The following MCM9 variants were observed in gnomAD, a reference collection of about 807,000 sequenced individuals.
MCM9 encodes minichromosome maintenance 9 homologous recombination repair factor.
Under a neutral mutation model 72.8 loss-of-function variants are expected in MCM9, and 55 were observed. The observed-to-expected ratio is 0.76, with a 90% CI of 0.61 to 0.95. MCM9 has a LOEUF of 0.95. Ranked by LOEUF, MCM9 falls within the 40% of genes least tolerant of loss-of-function variation. The pLI is 0.00. For missense variants in MCM9, 1,279 were observed against 1,377.0 expected (o/e 0.93, Z 1.13); for synonymous variants, 480 against 503.4 (o/e 0.95, Z 0.62).
At chr6:118,836,797 C>T (rs943683620) in intron 9 of MCM9, among the ~76,000 whole-genome samples, 44 of 152,242 alleles carry the variant, frequency 2.9e-4, no homozygotes, top group African/African-American at 4.6e-4. Context: ...ATGAGCTCCT[C>T]GATTCACTGA....
intron 9 of MCM9, among the ~76,000 whole-genome samples, chr6:118,840,830 TG>T (rs963094770): frequency 1.4e-5 from 2 of 142,254 alleles, no homozygotes; most frequent in Non-Finnish European, 3.1e-5. Flanking sequence ...TTCCACCTCC[TG>T]GGCTCAAGCA....
At chr6:118,846,014 A>T (rs1356959623) in intron 9 of MCM9, among the ~76,000 whole-genome samples, 3 of 151,934 alleles carry the variant, frequency 2.0e-5, no homozygotes, top group Non-Finnish European at 4.4e-5. Context: ...TTCTCCAATT[A>T]CTTTTCCTAT....
Position 118,827,952 on chromosome 6 carries a change from CA to C in MCM9, c.1706del (p.Leu569TrpfsTer4). On this transcript the variant is annotated frameshift_variant, in exon 11 of 14. Coordinates refer to ENST00000619706, the MANE Select transcript of MCM9 (RefSeq NM_017696.3). LOFTEE classifies it high-confidence loss of function. ...RNAARTTIRL[L>X]ESLIRLAEAH... Reference sequence around the variant, plus strand: ...CTTCTGCTAATCGTATCAAGCTTTCCAACAGCCGAATGGTGGTCCGGGCAGC... The same window carrying C: ...CTTCTGCTAATCGTATCAAGCTTTCCACAGCCGAATGGTGGTCCGGGCAGC... 6.4e-7 allele frequency: 1 copy of C among 1,550,992 alleles called. No homozygotes were observed.
intron 5 of MCM9, 173 bp from the exon 6 acceptor site, chr6:118,917,934 G>A (rs995169018): frequency 8.3e-6 from 5 of 601,508 alleles, no homozygotes; most frequent in South Asian, 2.0e-5. Context: ...ATTCTTGACT[G>A]TTGTCCCCCA....
intron 9 of MCM9, among the ~76,000 whole-genome samples, chr6:118,838,109 T>C (rs897822606): frequency 6.6e-6 from 1 of 152,146 alleles, no homozygotes; most frequent in South Asian, 2.1e-4. Flanking sequence ...TATTTCTCCT[T>C]AGGTTATGAA....
chr6:118,910,943 G>C (rs1183892393), intron 8 of MCM9: 1 of 985,174 alleles, frequency 1.0e-6, no homozygotes, highest in Non-Finnish European at 1.2e-6. Flanking sequence ...TTAACAAGTA[G>C]CAAACATTTT....
In MCM9 at chr6:118,815,263, G is replaced by C; in HGVS notation, c.2993C>G (p.Pro998Arg). 2 of 1,550,640 alleles carry C rather than the reference G, an allele frequency of 1.3e-6. No individual in the cohort carries two copies. The highest frequency in any genetic ancestry group is 1.7e-6 in the Non-Finnish European group (2 of 1,146,964). Residue 998 changes from proline (P) to arginine (R), a missense_variant, in exon 14 of 14, where the codon CCA becomes CGA. Physicochemically the swap from Pro to Arg is moderately radical, Grantham distance 103 (BLOSUM62 -2). Coordinates refer to ENST00000619706, the MANE Select transcript of MCM9 (RefSeq NM_017696.3). ...GETKEVSQQP[P>R]EKHGPREKVM... is the part of the protein sequence containing the mutation. The stretch of plus-strand genomic sequence containing the variant: ...CTTCTCTCTTGGTCCGTGTTTCTCT[G>C]GTGGCTGCTGCGACACCTCCTTTGT...
intron 8 of MCM9, chr6:118,911,432 A>G: frequency 7.8e-7 from 1 of 1,277,116 alleles, no homozygotes; most frequent in Middle Eastern, 3.0e-4. Flanking sequence ...AGAAAATTGA[A>G]TAGGATTGTT....
rs759822333 is a variant in MCM9, at chr6:118,931,616, A to C, written c.108T>G (p.Ala36=). The C allele has an allele frequency of 3.7e-6, 6 of 1,614,018 alleles. No homozygotes were observed. The South Asian group carries it at 4.4e-5, about 12-fold the overall frequency. ...LLILKERDED[A]HYPVVVNAMT... is the part of the protein sequence containing the mutation. ...TGGCATTAACCACAACTGGGTAATG[A>C]GCATCTTCATCCCTTTCCTTCAAGA... Residue 36 remains alanine, a synonymous_variant, in exon 3 of 14, where the codon GCT becomes GCG. Transcript: ENST00000619706.
chr6:118,827,940 T>C lies in MCM9; in HGVS notation c.1719A>G (p.Ile573Met), dbSNP rs1240986014. The part of the protein sequence containing the change: ...RTTIRLLESL[I>M]RLAEAHARLM... ...AATGAAATAGACCTTCTGCTAATCG[T>C]ATCAAGCTTTCCAACAGCCGAATGG... is the stretch of plus-strand genomic sequence containing the variant. Residue 573 changes from isoleucine (I) to methionine (M), a missense_variant, in exon 11 of 14, where the codon ATA (isoleucine) becomes ATG (methionine). Coordinates refer to ENST00000619706, the MANE Select transcript of MCM9 (RefSeq NM_017696.3). The C allele has an allele frequency of 1.9e-6, 3 of 1,550,964 alleles. No individual in the cohort carries two copies. The highest frequency in any genetic ancestry group is 1.4e-5 in the African/African-American group (1 of 73,196).
At chr6:118,925,035 C>A (rs558051887) in intron 3 of MCM9, among the ~76,000 whole-genome samples, 3 of 149,658 alleles carry the variant, frequency 2.0e-5, no homozygotes, top group South Asian at 2.1e-4. Context: ...CAGAGGAAGA[C>A]CCTGTCCAAA....
At chr6:118,929,151 C>G (rs778141561) in intron 3 of MCM9, among the ~76,000 whole-genome samples, 5 of 152,122 alleles carry the variant, frequency 3.3e-5, no homozygotes, top group East Asian at 1.9e-4. Flanking sequence ...ACCCAGGAGG[C>G]AGAGGTTGCA....
At chr6:118,876,573 A>G (rs1777944799) in intron 8 of MCM9, among the ~76,000 whole-genome samples, 1 of 152,150 alleles carries the variant, frequency 6.6e-6, no homozygotes, top group Non-Finnish European at 1.5e-5. Context: ...ATAAGCAAAA[A>G]CTGTTGTGAC....
chr6:118,896,444 T>C (rs1779420277), intron 8 of MCM9, among the ~76,000 whole-genome samples: 1 of 152,170 alleles, frequency 6.6e-6, no homozygotes, highest in South Asian at 2.1e-4. Flanking sequence ...GATAGATGAC[T>C]CAGGATGTCG....
chr6:118,865,989 AC>A (rs1374282289), intron 8 of MCM9, among the ~76,000 whole-genome samples: 2 of 152,210 alleles, frequency 1.3e-5, no homozygotes, highest in Admixed American at 1.3e-4. Context: ...GGAAATAGAC[AC>A]CCACATTCAG....
At chr6:118,843,708 G>GTATATATATGTGTATA (rs1775649541) in intron 9 of MCM9, among the ~76,000 whole-genome samples, 3 of 59,152 alleles carry the variant, frequency 5.1e-5, no homozygotes, top group East Asian at 4.3e-4. Flanking sequence ...ATATATGTAT[G>GTATATATATGTGTATA]TATATATATA....
intron 3 of MCM9, among the ~76,000 whole-genome samples, chr6:118,927,273 A>T (rs1471321803): frequency 1.3e-5 from 2 of 152,232 alleles, no homozygotes; most frequent in Non-Finnish European, 2.9e-5. Flanking sequence ...AGAATGCCCA[A>T]TGAGATTACA....
Position 118,843,625 on chromosome 6 carries a change from AC to A in MCM9, c.1325+12745del, listed in dbSNP as rs1243751800. ...AAGAGTGAAATTCTGTCTCAAAAAAACAAAACAAAACAAAACATATATATAT... is the reference window on the plus strand; with the variant it reads ...AAGAGTGAAATTCTGTCTCAAAAAAAAAAACAAAACAAAACATATATATAT... On this transcript the variant is annotated intron_variant, in intron 9 of 13. Coordinates refer to ENST00000619706, the MANE Select transcript of MCM9 (RefSeq NM_017696.3). 1.8e-4 allele frequency among the ~76,000 whole-genome samples: 3 copies of A among 17,026 alleles called. 1 individual carries two copies. The highest frequency in any genetic ancestry group is 4.9e-3 in the South Asian group (2 of 410). The allele number at this position is 17,026 out of a possible 152,430, so 11.2% of individuals were successfully genotyped here.
intron 13 of MCM9, among the ~76,000 whole-genome samples, chr6:118,817,343 G>A (rs143309049): frequency 4.4e-4 from 66 of 150,576 alleles, no homozygotes; most frequent in African/African-American, 1.6e-3. Flanking sequence ...CTGTGTCCAT[G>A]TGTTCTCATT....
Sources: gnomAD v4.1 joint callset for allele counts (sites outside exome capture counted in the v4.1 genomes callset) on GRCh38, gnomAD v4.1.1 for gene constraint, MANE v1.5 for transcripts, NCBI Gene and HGNC (gene_info 2026-07-23, HGNC 2026-07-21) for gene names.